Variants in SLC4A7 observed in about 807,000 individuals in gnomAD.
SLC4A7 encodes the protein sodium bicarbonate cotransporter 3.
Under a neutral mutation model 137.6 loss-of-function variants are expected in SLC4A7, and 51 were observed. The observed-to-expected ratio is 0.37, with a 90% confidence interval of 0.30 to 0.47. The LOEUF is 0.47. Among genes scored for constraint, SLC4A7 ranks in the 20% least tolerant of loss-of-function variants. The probability of loss-of-function intolerance (pLI) is 1.00; values close to 1 mark genes in which losing one functional copy is unlikely to be tolerated. For synonymous variants in SLC4A7, 542 were observed against 518.6 expected, an observed-to-expected ratio of 1.05 and a Z score of -0.61; for missense variants, 1,247 against 1,525.4, an observed-to-expected ratio of 0.82 and a Z score of 3.04.
chr3:27,381,882 T>A (rs1271631791), intron 24 of SLC4A7, among the ~76,000 whole-genome samples: 1 of 152,050 alleles, frequency 6.6e-6, no homozygotes, highest in Non-Finnish European at 1.5e-5. Flanking sequence ...GGGCAGGAGT[T>A]TGAGATGACC....
In SLC4A7 at chr3:27,376,526, T is replaced by G. The variant is rs2049907458; in HGVS notation, c.*238A>C. The G allele has an allele frequency of 3.5e-6, 1 of 284,332 alleles. No individual in the cohort carries two copies. Among genetic ancestry groups the G allele is most frequent in the South Asian group, 1.5e-4 (1 of 6,596 alleles). The allele number at this position is 284,332 out of a possible 1,614,324, so 17.6% of individuals were successfully genotyped here. On this transcript the variant is annotated 3_prime_UTR_variant, in exon 26 of 26. Transcript: ENST00000454389. ...ATCCTTCTATTGCAAAACAGAAAAT[T>G]TTTTTTTCTAACAGAATAAATATTT...
intron 1 of SLC4A7, among the ~76,000 whole-genome samples, chr3:27,474,059 T>C (rs1214229996): frequency 6.6e-6 from 1 of 152,194 alleles, no homozygotes. Context: ...CCTATTCGAC[T>C]GAACACTATG....
Position 27,388,796 on chromosome 3 carries a change from C to T in SLC4A7, c.3360+1135G>A, listed in dbSNP as rs151328299. 5.5e-3 allele frequency among the ~76,000 whole-genome samples: 831 copies of T among 151,992 alleles called. 3 individuals are homozygous for T. The highest frequency in any genetic ancestry group is 8.9e-3 in the Non-Finnish European group (606 of 67,934). On this transcript the variant is annotated intron_variant, in intron 22 of 25. Transcript: ENST00000454389. ...AAATAATTCCATTCTTCTAATAGTC[C>T]TATATTTTTAAAATTATTTTTTAAA...
intron 23 of SLC4A7, among the ~76,000 whole-genome samples, chr3:27,383,524 T>C (rs968412547): frequency 6.6e-6 from 1 of 152,250 alleles, no homozygotes; most frequent in South Asian, 2.1e-4. Flanking sequence ...TACATAAATG[T>C]GATTATCAAT....
rs1030152655 is a variant in SLC4A7, at chr3:27,373,835, T to C, written c.*2929A>G. On this transcript the variant is annotated 3_prime_UTR_variant, in exon 26 of 26. Transcript: ENST00000454389. ...TAAACAAATCTGGTTTACAAATACA[T>C]GCATTAGCACATAAAATATTTCGTC... The C allele has an allele frequency of 6.5e-6, 1 of 152,738 alleles. No homozygotes were observed. Among genetic ancestry groups the C allele is most frequent in the Non-Finnish European group, 1.5e-5 (1 of 67,976 alleles). 9.5% of individuals were successfully genotyped at this position (152,738 alleles called of 1,614,324 possible).
At chr3:27,426,228 C>T (rs1035165343) in intron 7 of SLC4A7, among the ~76,000 whole-genome samples, 1 of 152,208 alleles carries the variant, frequency 6.6e-6, no homozygotes, top group African/African-American at 2.4e-5. Context: ...CATGTGCTCA[C>T]TTTCTGGAAA....
chr3:27,462,469 A>G (rs2058751883), intron 1 of SLC4A7: 1 of 152,286 alleles, frequency 6.6e-6, no homozygotes, highest in South Asian at 2.1e-4. Flanking sequence ...TTGATCAGGA[A>G]GCAATACCAT....
intron 18 of SLC4A7, among the ~76,000 whole-genome samples, chr3:27,395,463 T>G (rs968913008): frequency 6.6e-6 from 1 of 152,140 alleles, no homozygotes; most frequent in East Asian, 1.9e-4. Context: ...TGCAGCTTCT[T>G]CTCTAACCTG....
At chr3:27,396,005 G>A (rs977853351) in intron 18 of SLC4A7, among the ~76,000 whole-genome samples, 4 of 152,102 alleles carry the variant, frequency 2.6e-5, no homozygotes, top group African/African-American at 4.8e-5. Context: ...ACAGTACAAT[G>A]TAAGATTTTA....
At chr3:27,474,429 G>C (rs1056283393) in intron 1 of SLC4A7, among the ~76,000 whole-genome samples, 41 of 152,162 alleles carry the variant, frequency 2.7e-4, no homozygotes, top group African/African-American at 9.2e-4. Context: ...TAAATATTTT[G>C]TCAAAATGGT....
intron 14 of SLC4A7, among the ~76,000 whole-genome samples, chr3:27,403,819 C>A (rs1365961589): frequency 6.6e-6 from 1 of 152,116 alleles, no homozygotes; most frequent in Non-Finnish European, 1.5e-5. Flanking sequence ...AACATCATTA[C>A]CATCACTACC....
intron 5 of SLC4A7, among the ~76,000 whole-genome samples, chr3:27,435,498 T>G (rs1406223784): frequency 6.6e-6 from 1 of 152,186 alleles, no homozygotes; most frequent in Non-Finnish European, 1.5e-5. Flanking sequence ...ATCACACTAT[T>G]CCTCAACTTA....
At chr3:27,402,850 G>A (rs1196391520) in intron 15 of SLC4A7, among the ~76,000 whole-genome samples, 2 of 145,620 alleles carry the variant, frequency 1.4e-5, no homozygotes, top group Non-Finnish European at 3.1e-5. Flanking sequence ...TAGTGGATCA[G>A]TTGCCAATCA....
intron 1 of SLC4A7, among the ~76,000 whole-genome samples, chr3:27,476,048 G>A (rs1202457518): frequency 6.6e-6 from 1 of 152,040 alleles, no homozygotes; most frequent in Non-Finnish European, 1.5e-5. Flanking sequence ...GCTGACATCT[G>A]GAATCTGAAA....
chr3:27,475,297 A>T (rs1382132275), intron 1 of SLC4A7, among the ~76,000 whole-genome samples: 1 of 151,272 alleles, frequency 6.6e-6, no homozygotes. Context: ...CAAGAGGCAC[A>T]TTTAGCATTT....
intron 16 of SLC4A7, among the ~76,000 whole-genome samples, chr3:27,400,101 C>T (rs2052599618): frequency 6.6e-6 from 1 of 152,166 alleles, no homozygotes; most frequent in Non-Finnish European, 1.5e-5. Context: ...ATTCTAACTA[C>T]TGGCAAACTT....
At chr3:27,476,952 T>C (rs1455880859) in intron 1 of SLC4A7, among the ~76,000 whole-genome samples, 2 of 152,158 alleles carry the variant, frequency 1.3e-5, no homozygotes, top group Admixed American at 6.6e-5. Flanking sequence ...AATTTAGCAA[T>C]GAATGACCCA....
At chr3:27,439,150 C>T (rs983432175) in intron 3 of SLC4A7, among the ~76,000 whole-genome samples, 3 of 152,092 alleles carry the variant, frequency 2.0e-5, no homozygotes, top group Non-Finnish European at 4.4e-5. Flanking sequence ...GATATTTAAA[C>T]AGGATAAAGA....
At position 27,403,199 on chromosome 3, in the gene SLC4A7, T is replaced by A; in HGVS notation, c.2261A>T (p.Asp754Val). ...ATTAAATGCATATGTTTCTCCTAAA[T>A]CAAAGAGCTTCTCCAAAGCCTCGTA... The part of the protein sequence containing the change: ...FIYEALEKLF[D>V]LGETYAFNMH... The change falls in exon 15 of 26, where the codon GAT (aspartate) becomes GTT (valine). Residue 754 changes from aspartate (D) to valine (V), a missense_variant. This residue lies in a region of SLC4A7 where 499 missense variants were observed against 664.2 expected (regional missense o/e 0.75). Transcript: ENST00000454389. 3 of 1,613,898 alleles carry A rather than the reference T, an allele frequency of 1.9e-6. No individual in the cohort carries two copies. Among genetic ancestry groups the A allele is most frequent in the Non-Finnish European group, 2.5e-6 (3 of 1,179,922 alleles).
Sources: gnomAD v4.1 joint callset for allele counts (sites outside exome capture counted in the v4.1 genomes callset) on GRCh38, gnomAD v4.1.1 for gene constraint, gnomAD v4.1.1 regional missense constraint, MANE v1.5 for transcripts, NCBI Gene and HGNC (gene_info 2026-07-23, HGNC 2026-07-21) for gene names.